DYRK4: variants seen among roughly 807,000 people sequenced by gnomAD.
DYRK4 encodes dual specificity tyrosine phosphorylation regulated kinase 4, also known as dual specificity tyrosine-phosphorylation-regulated kinase 4.
In DYRK4, 64 loss-of-function variants were observed where a neutral mutation model predicts 68.3. The ratio of observed to expected loss-of-function variants is 0.94; its 90% CI spans 0.77 to 1.15. The LOEUF is 1.15. Ranked by LOEUF, DYRK4 falls within the 50% of genes most tolerant of loss-of-function variation. The pLI is 0.00. For synonymous variants in DYRK4, 274 were observed against 289.9 expected (o/e 0.95, Z 0.56); for missense variants, 740 against 764.7 (o/e 0.97, Z 0.38).
At position 4,591,048 on chromosome 12, in the gene DYRK4, GAGGT is replaced by G; in HGVS notation, c.325-106_325-103del. On this transcript the variant is annotated intron_variant, in intron 4 of 14. Transcript: ENST00000543431. This position sits in a 1 kb window ranked among gnomAD's most constrained non-coding sequence, Gnocchi z 4.1. ...TCTTAATCGCTGTTTTCTCCCTGGA[GAGGT>G]AGGTAAAGAGCCTGGCTGAAGGTGG... 7.9e-7 allele frequency: 1 copy of G among 1,268,204 alleles called. No individual in the cohort carries two copies. The highest frequency in any genetic ancestry group is 1.1e-6 in the Non-Finnish European group (1 of 917,506). 78.6% of individuals were successfully genotyped at this position (1,268,204 alleles called of 1,614,324 possible). A position where few individuals can be genotyped will look rare whatever the true frequency, so the allele number is the denominator to read the frequency against.
intron 1 of DYRK4, chr12:4,563,224 A>C (rs900854519): frequency 2.3e-6 from 1 of 440,978 alleles, no homozygotes; most frequent in African/African-American, 2.0e-5. Context: ...CATGCACTCT[A>C]CCTTATTGTT....
intron 1 of DYRK4, 79 bp downstream of exon 1, chr12:4,562,362 G>C (rs907543154): frequency 2.0e-6 from 3 of 1,467,562 alleles, no homozygotes; most frequent in Non-Finnish European, 2.7e-6. Context: ...TGGTCGACGG[G>C]GTCGTGGGGG....
chr12:4,607,691 C>G (rs745351016), intron 12 of DYRK4, among the ~76,000 whole-genome samples: 3 of 152,092 alleles, frequency 2.0e-5, no homozygotes, highest in Non-Finnish European at 4.4e-5. Context: ...GCATCCTCTC[C>G]CGGAAGTTCT....
At chr12:4,574,727 AG>A (rs1402699910) in intron 2 of DYRK4, among the ~76,000 whole-genome samples, 3 of 152,190 alleles carry the variant, frequency 2.0e-5, no homozygotes, top group African/African-American at 7.2e-5. Context: ...TTTATTGAAA[AG>A]TTTTTTTTAG....
In DYRK4 at chr12:4,602,142, G is replaced by A. The variant is rs1051904884; in HGVS notation, c.1126+2354G>A. ...TATCCAGACTCCCTTTTGTAATTAA[G>A]TTCAGCTTTCATATCTGTATGAACT... On this transcript the variant is annotated intron_variant, in intron 10 of 14. Transcript: ENST00000543431. 9.6e-6 allele frequency: 6 copies of A among 624,986 alleles called. No individual in the cohort carries two copies. The African/African-American group carries it at 1.1e-4, about 11-fold the overall frequency. The allele number at this position is 624,986 out of a possible 1,614,324, so 38.7% of individuals were successfully genotyped here. A position where few individuals can be genotyped will look rare whatever the true frequency, so the allele number is the denominator to read the frequency against.
At chr12:4,567,751 T>C (rs1433337673) in intron 1 of DYRK4, among the ~76,000 whole-genome samples, 1 of 152,180 alleles carries the variant, frequency 6.6e-6, no homozygotes, top group African/African-American at 2.4e-5. Context: ...TATCTCTTCC[T>C]CCTTCCCTGG....
Position 4,613,007 on chromosome 12 carries a change from C to G in DYRK4, c.1666+289C>G. On this transcript the variant is annotated intron_variant, in intron 14 of 14. Transcript: ENST00000543431. The surrounding 1 kb of genome is among the most constrained non-coding windows in gnomAD (Gnocchi z 4.0). Reference sequence around the variant, plus strand: ...AGGGAAATTTGGCATTAGCCTGGATCTTTTTTGCCCCTTATTAGGATTTTC... The same window carrying G: ...AGGGAAATTTGGCATTAGCCTGGATGTTTTTTGCCCCTTATTAGGATTTTC... The G allele has an allele frequency of 2.8e-6, 1 of 357,694 alleles. No individual in the cohort carries two copies. The highest frequency in any genetic ancestry group is 5.1e-6 in the Non-Finnish European group (1 of 194,522). 22.2% of individuals were successfully genotyped at this position (357,694 alleles called of 1,614,324 possible).
rs150897479 is a variant in DYRK4, at chr12:4,569,764, T to C, written c.132+1716T>C. ...GTGTGAGCCACCACACCCGACCAAA[T>C]CCGTATTCTTAACCACTCTCTTCCA... On this transcript the variant is annotated intron_variant, in intron 2 of 14. Coordinates refer to ENST00000543431, the MANE Select transcript of DYRK4 (RefSeq NM_001394779.1). Among the ~76,000 whole-genome samples, 1,096 of 151,880 alleles carry C rather than the reference T, an allele frequency of 7.2e-3. 16 individuals are homozygous for C. The highest frequency in any genetic ancestry group is 0.025 in the African/African-American group (1,023 of 41,458).
intron 6 of DYRK4, among the ~76,000 whole-genome samples, 173 bp downstream of exon 6, chr12:4,593,338 A>G (rs1717809415): frequency 6.6e-6 from 1 of 152,156 alleles, no homozygotes; most frequent in South Asian, 2.1e-4. Context: ...GAAAATGGGG[A>G]AGCATGCAAT....
chr12:4,569,266 TAAAATA>T (rs1442537606), intron 2 of DYRK4, among the ~76,000 whole-genome samples: 1 of 152,198 alleles, frequency 6.6e-6, no homozygotes, highest in African/African-American at 2.4e-5. Context: ...CTTATTTTGA[TAAAATA>T]AAAATTACTG....
In DYRK4 at chr12:4,596,625, G is replaced by A. The variant is rs1414244246; in HGVS notation, c.801G>A (p.Leu267=). Residue 267 remains leucine (L), a synonymous_variant, in exon 8 of 15, where the codon CTG becomes CTA. Transcript: ENST00000543431. ...HQQALMELKI[L]EALRKKDKDN... is the part of the protein sequence containing the mutation. ...AGGCCCTGATGGAGCTGAAGATCCTGGAAGCTCTCAGAAAGAAGGACAAAG... is the reference window on the plus strand; with the variant it reads ...AGGCCCTGATGGAGCTGAAGATCCTAGAAGCTCTCAGAAAGAAGGACAAAG... 2 of 1,614,104 alleles carry A rather than the reference G, an allele frequency of 1.2e-6. No homozygotes were observed. The highest frequency in any genetic ancestry group is 2.2e-5 in the East Asian group (1 of 44,878).
chr12:4,605,728 GGTTTTTTTTTTT>G (rs1385541619), intron 11 of DYRK4, among the ~76,000 whole-genome samples: 6 of 68,938 alleles, frequency 8.7e-5, no homozygotes, highest in South Asian at 6.5e-4. Flanking sequence ...AATAGAGCTG[GGTTTTTTTTTTT>G]TTTTTTTTTT....
At chr12:4,574,488 T>C (rs1452649843) in intron 2 of DYRK4, among the ~76,000 whole-genome samples, 1 of 152,216 alleles carries the variant, frequency 6.6e-6, no homozygotes. Flanking sequence ...GAAGCCAGCG[T>C]ACATTGGTAT....
chr12:4,580,940 G>A (rs1944836474), intron 2 of DYRK4: 2 of 452,858 alleles, frequency 4.4e-6, no homozygotes, highest in Non-Finnish European at 8.9e-6. Flanking sequence ...CCTGAGGCCT[G>A]CAGAGAGTCC....
chr12:4,568,162 C>A, intron 2 of DYRK4, 114 bp downstream of exon 2: 1 of 970,928 alleles, frequency 1.0e-6, no homozygotes, highest in Non-Finnish European at 1.5e-6. Flanking sequence ...AGCGCAAAGG[C>A]AAAGGTGTGG....
intron 1 of DYRK4, among the ~76,000 whole-genome samples, chr12:4,565,005 G>A (rs918861448): frequency 6.6e-6 from 1 of 152,166 alleles, no homozygotes; most frequent in African/African-American, 2.4e-5. Context: ...GGAGAACTCC[G>A]ATCTGCATGT....
chr12:4,606,023 C>T (rs938754244), intron 11 of DYRK4, among the ~76,000 whole-genome samples: 4 of 152,116 alleles, frequency 2.6e-5, no homozygotes, highest in African/African-American at 9.7e-5. Context: ...TATTTGACTT[C>T]AAAGTATGTG....
chr12:4,606,961 C>T (rs1302664834), intron 11 of DYRK4, among the ~76,000 whole-genome samples: 1 of 152,210 alleles, frequency 6.6e-6, no homozygotes, highest in Non-Finnish European at 1.5e-5. Flanking sequence ...CTTTTCTTCT[C>T]CCTTTCCAGT....
Position 4,593,089 on chromosome 12 carries a change from A to C in DYRK4, c.551A>C (p.Glu184Ala), listed in dbSNP as rs1356699258. 1.2e-6 allele frequency: 2 copies of C among 1,614,110 alleles called. No homozygotes were observed. Among genetic ancestry groups the C allele is most frequent in the African/African-American group, 2.7e-5 (2 of 74,940 alleles). The change falls in exon 6 of 15, where the codon GAA becomes GCA. Residue 184 changes from glutamate (E) to alanine (A), a missense_variant. Physicochemically the swap from Glu to Ala is moderately radical, Grantham distance 107. This residue lies in a region of DYRK4 where 614 missense variants were observed against 603.7 expected (regional missense o/e 1.02). Coordinates refer to ENST00000543431, the MANE Select transcript of DYRK4 (RefSeq NM_001394779.1). ...GCGGAGCTGTGGTTCCTGGGTCTTG[A>C]AGCCAAGAAGCTCGACACGGCTCCT... is the stretch of plus-strand genomic sequence containing the variant. ...GYAELWFLGL[E>A]AKKLDTAPEK...
Sources: gnomAD v4.1 joint callset for allele counts (sites outside exome capture counted in the v4.1 genomes callset) on GRCh38, gnomAD v4.1.1 for gene constraint, gnomAD v4.1.1 regional missense constraint, Gnocchi (gnomAD v3.1) non-coding constraint, MANE v1.5 for transcripts, NCBI Gene and HGNC (gene_info 2026-07-23, HGNC 2026-07-21) for gene names.